Variants in TRIM66 observed in about 807,000 individuals in gnomAD.
TRIM66 encodes the protein tripartite motif-containing protein 66.
A neutral mutation model predicts 148.2 loss-of-function variants in TRIM66; 99 were observed. The observed-to-expected ratio is 0.67, with a 90% CI of 0.57 to 0.79. TRIM66 has a LOEUF of 0.79. Ranked by LOEUF, TRIM66 falls within the 30% of genes least tolerant of loss-of-function variation. The pLI, the probability that TRIM66 is intolerant of heterozygous loss-of-function variation, is 0.00. For synonymous variants in TRIM66, 616 were observed against 635.9 expected, an observed-to-expected ratio of 0.97 and a Z score of 0.47; for missense variants, 1,666 against 1,697.9, an observed-to-expected ratio of 0.98 and a Z score of 0.33.
At chr11:8,683,121 C>A, upstream of TRIM66, 2 of 1,412,656 alleles carry the variant, frequency 1.4e-6, no homozygotes, top group Non-Finnish European at 1.0e-6. Flanking sequence ...GACCCACAGG[C>A]TTACAGGACC....
intron 19 of TRIM66, 40 bp from the exon 20 acceptor site, chr11:8,621,361 C>T (rs953863969): frequency 3.3e-6 from 5 of 1,527,216 alleles, no homozygotes; most frequent in Middle Eastern, 3.6e-4. Context: ...GAGCACAGAA[C>T]CAACAAGCTC....
intron 11 of TRIM66, 75 bp downstream of exon 11, chr11:8,646,372 C>T (rs1401373300): frequency 8.3e-7 from 1 of 1,209,786 alleles, no homozygotes; most frequent in Non-Finnish European, 1.2e-6. Flanking sequence ...GCCTAGGCTT[C>T]CCTAGGTCCT....
At chr11:8,653,724 T>A (rs1373758469) in intron 6 of TRIM66, among the ~76,000 whole-genome samples, 1 of 150,688 alleles carries the variant, frequency 6.6e-6, no homozygotes, top group East Asian at 1.9e-4. Context: ...AACTGATACA[T>A]CCCAGGAAAA....
chr11:8,661,590 G>A lies in TRIM66; in HGVS notation c.341-9687C>T, dbSNP rs1003755176. ...GGCAGCATCCTATTCTGGGTCTGTA[G>A]TTTCTACTGGCCCTCAAGCCCAGGA... On this transcript the variant is annotated intron_variant, in intron 6 of 24. Coordinates refer to ENST00000646038, the MANE Select transcript of TRIM66 (RefSeq NM_001388022.1). Among the ~76,000 whole-genome samples the A allele has an allele frequency of 3.3e-5, 5 of 152,308 alleles. No homozygotes were observed. In the South Asian group the frequency reaches 6.2e-4, roughly 19 times the overall value.
intron 6 of TRIM66, among the ~76,000 whole-genome samples, chr11:8,664,599 G>A (rs934728697): frequency 1.3e-5 from 2 of 152,148 alleles, no homozygotes; most frequent in African/African-American, 4.8e-5. Flanking sequence ...CTGCCAACCA[G>A]TAAGTGCTTG....
Position 8,621,797 on chromosome 11 carries a change from T to C in TRIM66, c.3103A>G (p.Ile1035Val), listed in dbSNP as rs1289459589. 1.3e-6 allele frequency: 2 copies of C among 1,549,162 alleles called. No individual in the cohort carries two copies. The highest frequency in any genetic ancestry group is 4.0e-5 in the Admixed American group (2 of 50,446). Residue 1035 changes from isoleucine to valine, a missense_variant, in exon 19 of 25, where the codon ATT becomes GTT. This residue lies in a region of TRIM66 where 1,431 missense variants were observed against 1,412.4 expected (regional missense o/e 1.01). Transcript: ENST00000646038. Reference sequence around the variant, plus strand: ...AGTCGCTCCAGTCGCACATAGGGAATCTTATGCTCACTATTGAAGGCTCTG... The same window carrying C: ...AGTCGCTCCAGTCGCACATAGGGAACCTTATGCTCACTATTGAAGGCTCTG... ...SIRAFNSEHK[I>V]PYVRLERLKI...
intron 6 of TRIM66, among the ~76,000 whole-genome samples, chr11:8,668,106 G>T (rs1254815839): frequency 3.9e-5 from 6 of 152,120 alleles, no homozygotes; most frequent in Non-Finnish European, 8.8e-5. Flanking sequence ...TTGTTTGATA[G>T]CCATCCTAAT....
At chr11:8,665,728 C>T (rs1379185652) in intron 6 of TRIM66, among the ~76,000 whole-genome samples, 13 of 151,998 alleles carry the variant, frequency 8.6e-5, no homozygotes, top group Admixed American at 4.6e-4. Context: ...GAGGCCGAGG[C>T]GGGCAGATCA....
intron 18 of TRIM66, among the ~76,000 whole-genome samples, chr11:8,622,510 T>A (rs1486697189): frequency 6.6e-6 from 1 of 151,318 alleles, no homozygotes; most frequent in Non-Finnish European, 1.5e-5. Context: ...TCTGTCCTCC[T>A]GGCCCACCTC....
intron 15 of TRIM66, among the ~76,000 whole-genome samples, chr11:8,628,492 G>A (rs2035066827): frequency 1.3e-5 from 2 of 151,662 alleles, no homozygotes; most frequent in African/African-American, 2.4e-5. Context: ...ATGGGCCTGT[G>A]GTCCCAGATT....
At chr11:8,672,592 C>G (rs1184051166) in intron 4 of TRIM66, among the ~76,000 whole-genome samples, 1 of 150,102 alleles carries the variant, frequency 6.7e-6, no homozygotes, top group African/African-American at 2.5e-5. Flanking sequence ...AAATCCAGGT[C>G]AGTCTTCTGA....
At chr11:8,639,008 T>G (rs1379665416) in intron 14 of TRIM66, among the ~76,000 whole-genome samples, 193 bp from the exon 15 acceptor site, 1 of 152,212 alleles carries the variant, frequency 6.6e-6, no homozygotes, top group East Asian at 1.9e-4. Context: ...CTAATGGGAA[T>G]GTCTTAGGAT....
chr11:8,650,851 T>C (rs1431326664), intron 7 of TRIM66, among the ~76,000 whole-genome samples: 1 of 152,180 alleles, frequency 6.6e-6, no homozygotes, highest in Non-Finnish European at 1.5e-5. Context: ...GGAAATTCAA[T>C]GTGCTTCAGA....
chr11:8,647,482 ACCCAACCCAGTG>A (rs2036968850), intron 10 of TRIM66, among the ~76,000 whole-genome samples: 1 of 152,128 alleles, frequency 6.6e-6, no homozygotes, highest in Non-Finnish European at 1.5e-5. Context: ...CATATATGAT[ACCCAACCCAGTG>A]CCTGACACAT....
chr11:8,652,108 A>G (rs2037409448), intron 6 of TRIM66, among the ~76,000 whole-genome samples: 1 of 152,190 alleles, frequency 6.6e-6, no homozygotes, highest in South Asian at 2.1e-4. Context: ...CCTACAGACC[A>G]TCTGGTCTCC....
At chr11:8,659,317 A>T (rs1166552906) in intron 6 of TRIM66, among the ~76,000 whole-genome samples, 2 of 152,170 alleles carry the variant, frequency 1.3e-5, no homozygotes, top group East Asian at 3.9e-4. Context: ...GATGGACTGA[A>T]CACAGGGAGG....
intron 6 of TRIM66, 119 bp from the exon 7 acceptor site, chr11:8,652,022 A>C (rs992896375): frequency 1.3e-6 from 1 of 741,926 alleles, no homozygotes; most frequent in East Asian, 2.7e-5. Context: ...TGTGTGCCAA[A>C]ATGAACTACA....
At chr11:8,672,153 T>G (rs1182845930) in intron 5 of TRIM66, 55 bp from the exon 6 acceptor site, 1 of 1,529,808 alleles carries the variant, frequency 6.5e-7, no homozygotes, top group East Asian at 2.4e-5. Flanking sequence ...GAAAAAAATC[T>G]TAGGCCAGAG....
At chr11:8,673,205 G>A (rs899032052) in intron 4 of TRIM66, among the ~76,000 whole-genome samples, 63 of 151,580 alleles carry the variant, frequency 4.2e-4, no homozygotes, top group African/African-American at 1.5e-3. Context: ...TGGGATTACA[G>A]GCATGAGCCA....
Sources: gnomAD v4.1 joint callset for allele counts (sites outside exome capture counted in the v4.1 genomes callset) on GRCh38, gnomAD v4.1.1 for gene constraint, gnomAD v4.1.1 regional missense constraint, MANE v1.5 for transcripts, NCBI Gene and HGNC (gene_info 2026-07-23, HGNC 2026-07-21) for gene names.